FHIT: variants seen among roughly 807,000 people sequenced by gnomAD.
FHIT encodes fragile histidine triad diadenosine triphosphatase.
In FHIT, 19 loss-of-function variants were observed where a neutral mutation model predicts 17.9. The ratio of observed to expected loss-of-function variants is 1.06; its 90% CI spans 0.74 to 1.56. The LOEUF (loss-of-function observed/expected upper bound fraction) is 1.56, where lower values mean the gene tolerates loss of function less well. Among genes scored for constraint, FHIT ranks in the 40% most tolerant of loss-of-function variants. The pLI is 0.00. For missense variants in FHIT, 248 were observed against 189.2 expected (o/e 1.31, Z -1.82); for synonymous variants, 81 against 69.7 (o/e 1.16, Z -0.81).
At chr3:60,414,590 A>T (rs968895048) in intron 5 of FHIT, among the ~76,000 whole-genome samples, 2 of 152,126 alleles carry the variant, frequency 1.3e-5, no homozygotes, top group South Asian at 2.1e-4. Flanking sequence ...CAAAGAACCA[A>T]CTCTAAAATC....
intron 7 of FHIT, among the ~76,000 whole-genome samples, chr3:60,009,208 T>C (rs1700044677): frequency 2.1e-5 from 3 of 145,306 alleles, no homozygotes; most frequent in African/African-American, 8.2e-5. Context: ...TGTGTGTGTG[T>C]GTGTGTGTGT....
At chr3:61,215,147 G>T (rs1034798703) in intron 1 of FHIT, among the ~76,000 whole-genome samples, 7 of 151,978 alleles carry the variant, frequency 4.6e-5, no homozygotes, top group Non-Finnish European at 1.0e-4. Context: ...AGTGTTGGAA[G>T]TTCTGGCCAG....
chr3:60,790,526 C>T (rs1007761238), intron 4 of FHIT, among the ~76,000 whole-genome samples: 1 of 152,100 alleles, frequency 6.6e-6, no homozygotes, highest in East Asian at 1.9e-4. Flanking sequence ...ATCCTGATTC[C>T]CCTTTTAGGG....
intron 7 of FHIT, among the ~76,000 whole-genome samples, chr3:59,971,103 C>T (rs1408073196): frequency 6.6e-6 from 1 of 151,984 alleles, no homozygotes; most frequent in East Asian, 1.9e-4. Flanking sequence ...CTTTTTAACA[C>T]CGTAATGCCA....
intron 4 of FHIT, among the ~76,000 whole-genome samples, chr3:60,723,916 A>T (rs2041862230): frequency 6.6e-6 from 1 of 152,226 alleles, no homozygotes; most frequent in Admixed American, 6.5e-5. Context: ...CATTAATTCT[A>T]GCATATTTCA....
chr3:61,231,328 C>CA (rs2040095145), intron 1 of FHIT, among the ~76,000 whole-genome samples: 1 of 151,904 alleles, frequency 6.6e-6, no homozygotes, highest in African/African-American at 2.4e-5. Flanking sequence ...CCCATTTCTA[C>CA]AAAAAGTTTA....
At chr3:60,359,151 A>C (rs1479958253) in intron 5 of FHIT, among the ~76,000 whole-genome samples, 1 of 152,148 alleles carries the variant, frequency 6.6e-6, no homozygotes, top group Non-Finnish European at 1.5e-5. Flanking sequence ...GTCATGGTTG[A>C]GAATTACACA....
At chr3:60,791,864 T>A (rs1205982200) in intron 4 of FHIT, among the ~76,000 whole-genome samples, 1 of 152,252 alleles carries the variant, frequency 6.6e-6, no homozygotes, top group African/African-American at 2.4e-5. Flanking sequence ...CTATCAGTAA[T>A]GGACAGTGTC....
intron 3 of FHIT, among the ~76,000 whole-genome samples, chr3:60,971,913 G>C (rs112831616): frequency 0.019 from 2,925 of 152,210 alleles, 92 homozygotes; most frequent in African/African-American, 0.067. Flanking sequence ...ACAAATGCTT[G>C]ATTTTTTACA....
intron 8 of FHIT, among the ~76,000 whole-genome samples, chr3:59,753,579 T>C (rs1701037619): frequency 6.6e-6 from 1 of 152,222 alleles, no homozygotes; most frequent in Admixed American, 6.5e-5. Context: ...TCATTCTTCA[T>C]GGGAATGCAC....
rs578101814 is a variant in FHIT, at chr3:60,296,906, G to A, written c.103+239954C>T. ...AGTCTATTCTTTCTCTAACTGAATT[G>A]CTTTTTTATTTTTGCAAAAAAAAAA... On this transcript the variant is annotated intron_variant, in intron 5 of 9. Transcript: ENST00000492590. 2.7e-4 allele frequency among the ~76,000 whole-genome samples: 37 copies of A among 135,226 alleles called. 1 individual carries two copies. In the South Asian group the frequency reaches 3.6e-3, roughly 13 times the overall value. The allele number at this position is 135,226 out of a possible 152,430, so 88.7% of individuals were successfully genotyped here. A position where few individuals can be genotyped will look rare whatever the true frequency, so the allele number is the denominator to read the frequency against.
At chr3:59,785,454 C>G (rs1015894728) in intron 8 of FHIT, among the ~76,000 whole-genome samples, 1 of 151,934 alleles carries the variant, frequency 6.6e-6, no homozygotes, top group Non-Finnish European at 1.5e-5. Flanking sequence ...GGTTTACAGG[C>G]GTGCATCATC....
chr3:60,169,517 A>G (rs1232207682), intron 5 of FHIT, among the ~76,000 whole-genome samples: 2 of 152,246 alleles, frequency 1.3e-5, no homozygotes, highest in African/African-American at 2.4e-5. Flanking sequence ...GACAAATTAT[A>G]TAAGTCAAAG....
At chr3:60,638,384 G>C (rs1159464781) in intron 4 of FHIT, among the ~76,000 whole-genome samples, 3 of 152,096 alleles carry the variant, frequency 2.0e-5, no homozygotes, top group Non-Finnish European at 2.9e-5. Context: ...AGCTTAATTG[G>C]AAACTTGATA....
chr3:59,801,543 A>T (rs937749866), intron 8 of FHIT, among the ~76,000 whole-genome samples: 4 of 152,196 alleles, frequency 2.6e-5, no homozygotes, highest in Non-Finnish European at 4.4e-5. Context: ...TTTAAAAAAG[A>T]AAAACAAAAG....
intron 8 of FHIT, among the ~76,000 whole-genome samples, chr3:59,904,316 T>TA (rs35782604): frequency 0.14 from 18,124 of 130,418 alleles, 1,172 homozygotes; most frequent in East Asian, 0.18. Context: ...GGAAACTAAT[T>TA]AAAAAAAAAA....
intron 1 of FHIT, among the ~76,000 whole-genome samples, chr3:61,204,827 T>C (rs1293279213): frequency 6.6e-6 from 1 of 152,120 alleles, no homozygotes. Context: ...TTTTTTAAAA[T>C]TTTATTATTA....
At chr3:61,078,774 C>G (rs1243428050) in intron 2 of FHIT, among the ~76,000 whole-genome samples, 1 of 152,160 alleles carries the variant, frequency 6.6e-6, no homozygotes, top group African/African-American at 2.4e-5. Context: ...TTTATATAAT[C>G]TGAACAATAT....
chr3:60,561,900 A>G (rs1158023301), intron 4 of FHIT, among the ~76,000 whole-genome samples: 1 of 152,018 alleles, frequency 6.6e-6, no homozygotes, highest in East Asian at 1.9e-4. Flanking sequence ...GAAAAGAAAA[A>G]AAAAGAAAAG....
Sources: allele counts gnomAD v4.1 joint callset (sites outside exome capture counted in the v4.1 genomes callset), GRCh38; gene constraint gnomAD v4.1.1; transcripts MANE v1.5; gene names NCBI Gene and HGNC (gene_info 2026-07-23, HGNC 2026-07-21).